The following SEPTIN10 variants were observed in gnomAD, a reference collection of about 807,000 sequenced individuals.
The protein encoded by SEPTIN10 is septin 10.
A neutral mutation model predicts 54.8 loss-of-function variants in SEPTIN10; 66 were observed. That is an observed-to-expected ratio of 1.21 (90% CI 0.99 to 1.48). The LOEUF is 1.48. Ranked by LOEUF, SEPTIN10 falls within the 40% of genes most tolerant of loss-of-function variation. The probability of loss-of-function intolerance (pLI) is 0.00; values close to 1 mark genes in which losing one functional copy is unlikely to be tolerated. For synonymous variants in SEPTIN10, 161 were observed against 181.0 expected (o/e 0.89, Z 0.89); for missense variants, 620 against 545.6 (o/e 1.14, Z -1.36).
At chr2:109,561,201 C>T (rs983318142) in intron 8 of SEPTIN10, among the ~76,000 whole-genome samples, 2 of 152,112 alleles carry the variant, frequency 1.3e-5, no homozygotes, top group African/African-American at 4.8e-5. Flanking sequence ...GATCTTCTTC[C>T]GGAGTCTTAC....
intron 4 of SEPTIN10, 100 bp from the exon 5 acceptor site, chr2:109,574,867 T>C: frequency 1.3e-6 from 1 of 755,620 alleles, no homozygotes; most frequent in Non-Finnish European, 2.0e-6. Flanking sequence ...CACTAATTAA[T>C]AAACAGTTAA....
intron 8 of SEPTIN10, among the ~76,000 whole-genome samples, chr2:109,561,921 C>A (rs1036690038): frequency 4.6e-5 from 7 of 152,140 alleles, no homozygotes. Context: ...CCAAGGCAGG[C>A]AGATCACTTT....
At chr2:109,583,594 A>G (rs1691738526) in intron 4 of SEPTIN10, among the ~76,000 whole-genome samples, 1 of 152,220 alleles carries the variant, frequency 6.6e-6, no homozygotes. Context: ...TTCTCAAAGA[A>G]CTTAAACCAG....
chr2:109,598,240 G>A (rs1573801213), intron 1 of SEPTIN10, among the ~76,000 whole-genome samples: 1 of 151,746 alleles, frequency 6.6e-6, no homozygotes. Context: ...GCTAACTTTT[G>A]TATTTTTATT....
At chr2:109,575,599 T>C (rs985143561) in intron 4 of SEPTIN10, among the ~76,000 whole-genome samples, 7 of 152,218 alleles carry the variant, frequency 4.6e-5, no homozygotes, top group African/African-American at 1.7e-4. Flanking sequence ...GAATGGTGTG[T>C]GAGCATTCCA....
chr2:109,577,523 T>G (rs1573614129), intron 4 of SEPTIN10, among the ~76,000 whole-genome samples: 1 of 146,930 alleles, frequency 6.8e-6, no homozygotes, highest in Non-Finnish European at 1.5e-5. Flanking sequence ...GTGCAGGAGG[T>G]GGAGGTTGCA....
chr2:109,572,609 CT>C (rs60520770), intron 5 of SEPTIN10, among the ~76,000 whole-genome samples: 4,615 of 111,078 alleles, frequency 0.042, 81 homozygotes, highest in African/African-American at 0.16. Context: ...TTTAAAACAA[CT>C]TTTTTTTTTT....
intron 8 of SEPTIN10, among the ~76,000 whole-genome samples, chr2:109,558,553 ATAAT>A (rs964428912): frequency 6.6e-6 from 1 of 152,212 alleles, no homozygotes; most frequent in Non-Finnish European, 1.5e-5. Flanking sequence ...AATGGTTGAA[ATAAT>A]TAATATAAAA....
chr2:109,565,892 C>A, intron 6 of SEPTIN10, 33 bp from the exon 7 acceptor site: 1 of 1,529,056 alleles, frequency 6.5e-7, no homozygotes, highest in Non-Finnish European at 9.1e-7. Flanking sequence ...TCTTCTCATA[C>A]CACTGTGATA....
At chr2:109,595,403 A>G (rs1695096695) in intron 1 of SEPTIN10, among the ~76,000 whole-genome samples, 2 of 152,184 alleles carry the variant, frequency 1.3e-5, no homozygotes, top group South Asian at 4.1e-4. Context: ...TTTTAACTAC[A>G]CATATACTTC....
chr2:109,549,432 G>A (rs1682255927), intron 9 of SEPTIN10, among the ~76,000 whole-genome samples: 1 of 152,220 alleles, frequency 6.6e-6, no homozygotes, highest in Non-Finnish European at 1.5e-5. Context: ...GCAGGGAAGT[G>A]TGAATGTGAC....
chr2:109,563,618 T>C (rs1318678526), intron 8 of SEPTIN10, among the ~76,000 whole-genome samples: 2 of 152,238 alleles, frequency 1.3e-5, no homozygotes, highest in Non-Finnish European at 2.9e-5. Flanking sequence ...AGGAAGTTTC[T>C]ACAACTTTTA....
At chr2:109,594,479 CT>C in intron 1 of SEPTIN10, among the ~76,000 whole-genome samples, 1 of 151,738 alleles carries the variant, frequency 6.6e-6, no homozygotes, top group East Asian at 1.9e-4. Context: ...TTTTTTTTTG[CT>C]GAATCTCTCC....
intron 8 of SEPTIN10, among the ~76,000 whole-genome samples, chr2:109,562,995 C>G (rs558366294): frequency 1.3e-5 from 2 of 152,030 alleles, no homozygotes; most frequent in Admixed American, 6.6e-5. Context: ...ACTGTAAACT[C>G]TGCCTCCCAG....
intron 9 of SEPTIN10, among the ~76,000 whole-genome samples, chr2:109,549,896 C>G (rs1488273736): frequency 2.0e-5 from 3 of 152,136 alleles, no homozygotes; most frequent in African/African-American, 7.2e-5. Context: ...TATTTTCAGA[C>G]CGTAGTTGAC....
At chr2:109,581,697 A>C (rs1478462937) in intron 4 of SEPTIN10, among the ~76,000 whole-genome samples, 1 of 152,112 alleles carries the variant, frequency 6.6e-6, no homozygotes, top group African/African-American at 2.4e-5. Context: ...CAATCCAACA[A>C]ATAAGTTAAT....
chr2:109,586,079 T>G (rs1191707065), intron 2 of SEPTIN10, among the ~76,000 whole-genome samples: 1 of 152,202 alleles, frequency 6.6e-6, no homozygotes, highest in Admixed American at 6.5e-5. Context: ...TGTATAACAT[T>G]AAAACATTCG....
chr2:109,606,210 A>G (rs1697902935), intron 1 of SEPTIN10, among the ~76,000 whole-genome samples: 1 of 152,112 alleles, frequency 6.6e-6, no homozygotes, highest in African/African-American at 2.4e-5. Context: ...AAGTCAAGAG[A>G]TTGAGACCAC....
intron 8 of SEPTIN10, among the ~76,000 whole-genome samples, chr2:109,557,269 T>G (rs999083561): frequency 6.6e-6 from 1 of 152,168 alleles, no homozygotes; most frequent in Admixed American, 6.5e-5. Context: ...AGCACTTGAG[T>G]TGTTCACAAG....
Sources: allele counts gnomAD v4.1 joint callset (sites outside exome capture counted in the v4.1 genomes callset), GRCh38; gene constraint gnomAD v4.1.1; transcripts MANE v1.5; gene names NCBI Gene and HGNC (gene_info 2026-07-23, HGNC 2026-07-21).